The following PRR16 variants were observed in gnomAD, a reference collection of about 807,000 sequenced individuals.
The protein encoded by PRR16 is protein Largen.
In PRR16, 6 loss-of-function variants were observed where a neutral mutation model predicts 18.2. The ratio of observed to expected loss-of-function variants is 0.33; its 90% CI spans 0.18 to 0.65. PRR16 has a LOEUF of 0.65. PRR16 is among the 30% of genes least tolerant of loss of function. The pLI, the probability that PRR16 is intolerant of heterozygous loss-of-function variation, is 0.74. For synonymous variants in PRR16, 151 were observed against 147.8 expected (o/e 1.02, Z -0.16); for missense variants, 412 against 376.6 (o/e 1.09, Z -0.78).
At chr5:120,464,698 G>T (rs1324334489) in intron 1 of PRR16, 53 bp downstream of exon 1, 3 of 1,455,496 alleles carry the variant, frequency 2.1e-6, no homozygotes, top group South Asian at 2.7e-5. Context: ...CCCCTCCGGG[G>T]TCCCCTTTCC....
the PRR16 span, among the ~76,000 whole-genome samples, chr5:120,717,752 T>C: frequency 6.6e-6 from 1 of 152,214 alleles, no homozygotes; most frequent in African/African-American, 2.4e-5. Context: ...GTGCTCTTTA[T>C]AAATCAGTGT....
At chr5:120,709,673 T>G in the PRR16 span, among the ~76,000 whole-genome samples, 5 of 152,134 alleles carry the variant, frequency 3.3e-5, no homozygotes, top group Non-Finnish European at 7.4e-5. Flanking sequence ...TAACCACCAT[T>G]TTACTCTCTA....
chr5:120,600,553 T>C (rs899517130), intron 1 of PRR16, among the ~76,000 whole-genome samples: 1 of 151,920 alleles, frequency 6.6e-6, no homozygotes, highest in African/African-American at 2.4e-5. Flanking sequence ...CCAATGATTT[T>C]ATTTAATTTT....
At chr5:120,659,865 G>C (rs186800657) in intron 1 of PRR16, among the ~76,000 whole-genome samples, 2 of 152,146 alleles carry the variant, frequency 1.3e-5, no homozygotes, top group Admixed American at 1.3e-4. Context: ...TGCTTAAAAA[G>C]AGTGACAGAT....
At chr5:120,761,987 G>A in the PRR16 span, among the ~76,000 whole-genome samples, 1 of 151,972 alleles carries the variant, frequency 6.6e-6, no homozygotes, top group Non-Finnish European at 1.5e-5. Flanking sequence ...ATCTTACTGT[G>A]CTTGGCTAAT....
chr5:120,689,349 C>T (rs115166373), downstream of PRR16, among the ~76,000 whole-genome samples: 328 of 152,218 alleles, frequency 2.2e-3, 2 homozygotes, highest in Middle Eastern at 6.8e-3. Context: ...TAATATTTGT[C>T]TGCAAACTTG....
chr5:120,483,729 A>G, intron 1 of PRR16, among the ~76,000 whole-genome samples: 1 of 152,138 alleles, frequency 6.6e-6, no homozygotes, highest in East Asian at 1.9e-4. Flanking sequence ...TGTCAGTAAA[A>G]TTTTAAATTA....
At chr5:120,590,171 C>G (rs1753585608) in intron 1 of PRR16, among the ~76,000 whole-genome samples, 1 of 149,524 alleles carries the variant, frequency 6.7e-6, no homozygotes, top group Admixed American at 6.7e-5. Context: ...TGCTGTATTA[C>G]CTTAACAAGT....
At chr5:120,750,791 T>C in the PRR16 span, among the ~76,000 whole-genome samples, 1 of 152,156 alleles carries the variant, frequency 6.6e-6, no homozygotes, top group Admixed American at 6.5e-5. Context: ...CTTCAAACAT[T>C]TATCATTTTT....
At chr5:120,729,334 T>C in the PRR16 span, among the ~76,000 whole-genome samples, 1 of 152,158 alleles carries the variant, frequency 6.6e-6, no homozygotes, top group East Asian at 1.9e-4. Flanking sequence ...TTCGTGTCTC[T>C]CTGAGCCCAC....
chr5:120,521,154 G>A (rs1172447516), intron 1 of PRR16, among the ~76,000 whole-genome samples: 5 of 152,112 alleles, frequency 3.3e-5, no homozygotes, highest in African/African-American at 1.2e-4. Context: ...ACCAAACCAA[G>A]GATACAGGAT....
the PRR16 span, among the ~76,000 whole-genome samples, chr5:120,764,950 ATTTCTCCTT>A: frequency 2.0e-5 from 3 of 151,908 alleles, no homozygotes; most frequent in Admixed American, 6.6e-5. Flanking sequence ...TGTGTTGATC[ATTTCTCCTT>A]TTTGAGGAAT....
chr5:120,716,518 G>A, the PRR16 span, among the ~76,000 whole-genome samples: 35,231 of 152,008 alleles, frequency 0.23, 5,105 homozygotes, highest in East Asian at 0.7. Flanking sequence ...ACAAAATTGC[G>A]TTTTAATCTG....
At chr5:120,628,560 A>C (rs1323273536) in intron 1 of PRR16, among the ~76,000 whole-genome samples, 7 of 152,068 alleles carry the variant, frequency 4.6e-5, no homozygotes, top group Admixed American at 4.6e-4. Context: ...AATTGTAGGT[A>C]AGAGAGATTA....
intron 1 of PRR16, among the ~76,000 whole-genome samples, chr5:120,645,259 A>G (rs960651295): frequency 3.3e-5 from 5 of 151,918 alleles, no homozygotes; most frequent in Admixed American, 3.3e-4. Context: ...CACAGGAAAC[A>G]TATTGTAATG....
intron 1 of PRR16, among the ~76,000 whole-genome samples, chr5:120,487,002 C>G (rs1388089282): frequency 6.6e-6 from 1 of 152,132 alleles, no homozygotes; most frequent in Non-Finnish European, 1.5e-5. Context: ...TTCCATTGGT[C>G]TATATCTCTG....
chr5:120,472,605 T>C (rs951232156), intron 1 of PRR16, among the ~76,000 whole-genome samples: 2 of 152,148 alleles, frequency 1.3e-5, no homozygotes, highest in East Asian at 3.9e-4. Context: ...TTTTATTTTT[T>C]AGAAATTTTA....
At chr5:120,515,973 G>T (rs1750976926) in intron 1 of PRR16, among the ~76,000 whole-genome samples, 1 of 152,092 alleles carries the variant, frequency 6.6e-6, no homozygotes, top group African/African-American at 2.4e-5. Flanking sequence ...AATCTGTAGT[G>T]TTTTTCTTTT....
At chr5:120,744,502 C>G in the PRR16 span, among the ~76,000 whole-genome samples, 1 of 152,298 alleles carries the variant, frequency 6.6e-6, no homozygotes, top group Admixed American at 6.5e-5. Flanking sequence ...CCTCCTAGCT[C>G]TGTGCCTGCA....
Sources: allele counts gnomAD v4.1 joint callset (sites outside exome capture counted in the v4.1 genomes callset), GRCh38; gene constraint gnomAD v4.1.1; transcripts MANE v1.5; gene names NCBI Gene and HGNC (gene_info 2026-07-23, HGNC 2026-07-21).